The following ASZ1 variants were observed in gnomAD, a reference collection of about 807,000 sequenced individuals.
ASZ1 encodes the protein ankyrin repeat, SAM and basic leucine zipper domain-containing protein 1.
In ASZ1, 67 loss-of-function variants were observed where a neutral mutation model predicts 61.8. The observed-to-expected ratio is 1.08, with a 90% CI of 0.89 to 1.33. The LOEUF (loss-of-function observed/expected upper bound fraction) is 1.33. Among genes scored for constraint, ASZ1 ranks in the 40% most tolerant of loss-of-function variants. The probability of loss-of-function intolerance (pLI) is 0.00; values close to 1 mark genes in which losing one functional copy is unlikely to be tolerated. For missense variants in ASZ1, 577 were observed against 554.5 expected, an observed-to-expected ratio of 1.04 and a Z score of -0.41; for synonymous variants, 193 against 192.7, an observed-to-expected ratio of 1.00 and a Z score of -0.01.
At position 117,383,471 on chromosome 7, in the gene ASZ1, G is replaced by C. The variant is rs867750065; in HGVS notation, c.688-361C>G. 4.0e-5 allele frequency among the ~76,000 whole-genome samples: 6 copies of C among 151,868 alleles called. No individual in the cohort carries two copies. The South Asian group carries it at 8.3e-4, about 21-fold the overall frequency. On this transcript the variant is annotated intron_variant, in intron 6 of 12. Coordinates refer to ENST00000284629, the MANE Select transcript of ASZ1 (RefSeq NM_130768.3). The stretch of plus-strand genomic sequence containing the variant: ...AGATAGTAATTAATATTTTTGGTAA[G>C]ATACATAGCGAAACTAAAAATTCCA...
intron 4 of ASZ1, among the ~76,000 whole-genome samples, chr7:117,393,070 C>T (rs1395557313): frequency 1.3e-5 from 2 of 152,124 alleles, no homozygotes; most frequent in East Asian, 1.9e-4. Flanking sequence ...TGGTCTCAAA[C>T]TCCTGACCTC....
intron 2 of ASZ1, among the ~76,000 whole-genome samples, chr7:117,425,265 T>TTC (rs1797177316): frequency 7.5e-6 from 1 of 132,908 alleles, no homozygotes; most frequent in East Asian, 2.2e-4. Context: ...ATTTCTTTTT[T>TTC]TTTTTTTTTT....
intron 10 of ASZ1, among the ~76,000 whole-genome samples, chr7:117,372,518 CTT>C (rs1190240767): frequency 6.6e-6 from 1 of 152,126 alleles, no homozygotes; most frequent in East Asian, 1.9e-4. Context: ...GAAATAAAGT[CTT>C]GTTATAAGTG....
At chr7:117,410,008 G>A (rs1197180445) in intron 4 of ASZ1, among the ~76,000 whole-genome samples, 1 of 151,636 alleles carries the variant, frequency 6.6e-6, no homozygotes, top group Admixed American at 6.6e-5. Flanking sequence ...ATAATTTTGT[G>A]TAACATATCT....
chr7:117,374,721 T>C (rs1796107120), intron 10 of ASZ1, among the ~76,000 whole-genome samples: 1 of 151,972 alleles, frequency 6.6e-6, no homozygotes, highest in Non-Finnish European at 1.5e-5. Context: ...AAAAGTAAGA[T>C]TAGAGGAAAC....
At chr7:117,417,793 A>G (rs1334445152) in intron 4 of ASZ1, among the ~76,000 whole-genome samples, 1 of 152,176 alleles carries the variant, frequency 6.6e-6, no homozygotes, top group Non-Finnish European at 1.5e-5. Flanking sequence ...TTAAATGCAT[A>G]TTGCTTTATT....
At chr7:117,412,094 G>A (rs970303199) in intron 4 of ASZ1, among the ~76,000 whole-genome samples, 3 of 150,518 alleles carry the variant, frequency 2.0e-5, no homozygotes, top group Non-Finnish European at 4.5e-5. Context: ...GTGTGTCTGT[G>A]CATTTGTATG....
intron 4 of ASZ1, among the ~76,000 whole-genome samples, chr7:117,389,679 C>G (rs1584727830): frequency 6.6e-6 from 1 of 152,168 alleles, no homozygotes; most frequent in Non-Finnish European, 1.5e-5. Flanking sequence ...TGAAACAAGT[C>G]ATGCAGACCT....
At position 117,375,961 on chromosome 7, in the gene ASZ1, G is replaced by C. The variant is rs541345255; in HGVS notation, c.1055+3977C>G. 3.3e-5 allele frequency among the ~76,000 whole-genome samples: 5 copies of C among 151,836 alleles called. No homozygotes were observed. The East Asian group carries it at 9.7e-4, about 29-fold the overall frequency. On this transcript the variant is annotated intron_variant, in intron 10 of 12. Transcript: ENST00000284629. ...TCAAAGTAAGCAGAAGGAATAGTAAGAATAACAGCAGAAATCAATGACACT... is the reference window on the plus strand; with the variant it reads ...TCAAAGTAAGCAGAAGGAATAGTAACAATAACAGCAGAAATCAATGACACT...
At chr7:117,382,297 A>G (rs1340207348) in intron 7 of ASZ1, among the ~76,000 whole-genome samples, 153 bp from the exon 8 acceptor site, 2 of 152,164 alleles carry the variant, frequency 1.3e-5, no homozygotes, top group African/African-American at 4.8e-5. Flanking sequence ...TATCAAAGGA[A>G]TAAGTAAGGT....
intron 4 of ASZ1, among the ~76,000 whole-genome samples, chr7:117,397,640 A>C (rs1211973552): frequency 6.6e-6 from 1 of 152,236 alleles, no homozygotes; most frequent in Non-Finnish European, 1.5e-5. Context: ...AATTCGTGCT[A>C]ATTTCCTAAA....
At chr7:117,381,210 A>C (rs1316963332) in intron 8 of ASZ1, 143 bp from the exon 9 acceptor site, 4 of 602,022 alleles carry the variant, frequency 6.6e-6, no homozygotes, top group Non-Finnish European at 1.2e-5. Context: ...ATACATGCAG[A>C]ACTATGCTAC....
intron 2 of ASZ1, among the ~76,000 whole-genome samples, chr7:117,426,214 G>A (rs1384780525): frequency 6.6e-6 from 1 of 151,816 alleles, no homozygotes; most frequent in African/African-American, 2.4e-5. Context: ...GGGCACGGTG[G>A]CTCATGCCTG....
At chr7:117,424,141 G>A (rs1433576328) in intron 2 of ASZ1, among the ~76,000 whole-genome samples, 2 of 152,022 alleles carry the variant, frequency 1.3e-5, no homozygotes, top group Non-Finnish European at 2.9e-5. Context: ...TCTCCAGAGG[G>A]GGTACCGTAC....
chr7:117,373,777 T>C (rs895042896), intron 10 of ASZ1, among the ~76,000 whole-genome samples: 5 of 152,180 alleles, frequency 3.3e-5, no homozygotes, highest in Admixed American at 2.0e-4. Context: ...GCACATTCTT[T>C]ACATTTATTA....
intron 4 of ASZ1, among the ~76,000 whole-genome samples, chr7:117,405,917 T>C (rs1202684546): frequency 6.6e-6 from 1 of 152,220 alleles, no homozygotes; most frequent in African/African-American, 2.4e-5. Context: ...GCAACCTCCA[T>C]CTAACCCAAA....
At chr7:117,382,277 A>ACCTATGCTATAT in intron 7 of ASZ1, 133 bp from the exon 8 acceptor site, 1 of 614,744 alleles carries the variant, frequency 1.6e-6, no homozygotes, top group Non-Finnish European at 2.9e-6. Flanking sequence ...TGCACACCAG[A>ACCTATGCTATAT]CCTATGCTAT....
chr7:117,414,210 T>A (rs1367347212), intron 4 of ASZ1, among the ~76,000 whole-genome samples: 2 of 152,192 alleles, frequency 1.3e-5, no homozygotes. Flanking sequence ...GGTATCATGA[T>A]GGAGATACCT....
At chr7:117,414,567 G>A (rs923066591) in intron 4 of ASZ1, among the ~76,000 whole-genome samples, 2 of 152,048 alleles carry the variant, frequency 1.3e-5, no homozygotes, top group African/African-American at 4.8e-5. Context: ...CACGTGCCAT[G>A]GTGGTTTGTG....
Sources: allele counts gnomAD v4.1 joint callset (sites outside exome capture counted in the v4.1 genomes callset), GRCh38; gene constraint gnomAD v4.1.1; transcripts MANE v1.5; gene names NCBI Gene and HGNC (gene_info 2026-07-23, HGNC 2026-07-21).